CLSTN1: variants seen among roughly 807,000 people sequenced by gnomAD.
CLSTN1 encodes calsyntenin 1, also known as calsyntenin-1.
A neutral mutation model predicts 108.3 loss-of-function variants in CLSTN1; 28 were observed. The observed-to-expected ratio is 0.26, with a 90% CI of 0.19 to 0.35. The LOEUF (loss-of-function observed/expected upper bound fraction) is 0.35, where lower values mean the gene tolerates loss of function less well. Among genes scored for constraint, CLSTN1 ranks in the 10% least tolerant of loss-of-function variants. The pLI, the probability that CLSTN1 is intolerant of heterozygous loss-of-function variation, is 1.00. For synonymous variants in CLSTN1, 524 were observed against 534.9 expected, an observed-to-expected ratio of 0.98 and a Z score of 0.28; for missense variants, 1,157 against 1,302.6, an observed-to-expected ratio of 0.89 and a Z score of 1.72.
chr1:9,801,836 G>A (rs1654285094), intron 1 of CLSTN1, among the ~76,000 whole-genome samples: 2 of 152,022 alleles, frequency 1.3e-5, no homozygotes, highest in South Asian at 2.1e-4. Context: ...GATTACAGGC[G>A]TGAGCCACCA....
intron 1 of CLSTN1, among the ~76,000 whole-genome samples, chr1:9,800,473 A>G (rs1654210617): frequency 6.6e-6 from 1 of 150,982 alleles, no homozygotes; most frequent in Non-Finnish European, 1.5e-5. Context: ...TAATCCCAGA[A>G]CTTTGGGAGG....
In CLSTN1 at chr1:9,767,034, C is replaced by T. The variant is rs149580607; in HGVS notation, c.214+6238G>A. 2.4e-3 allele frequency among the ~76,000 whole-genome samples: 371 copies of T among 152,354 alleles called. 5 individuals are homozygous for T. Among genetic ancestry groups the T allele is most frequent in the African/African-American group, 8.5e-3 (353 of 41,588 alleles). On this transcript the variant is annotated intron_variant, in intron 2 of 18. Transcript: ENST00000377298. Reference sequence around the variant, plus strand: ...TCACACAGTGAGCTGGGCCCAGAGGCGGCTCTGTCACTTATGAGCTGTGTG... The same window carrying T: ...TCACACAGTGAGCTGGGCCCAGAGGTGGCTCTGTCACTTATGAGCTGTGTG...
chr1:9,771,387 G>A (rs962918698), intron 2 of CLSTN1, among the ~76,000 whole-genome samples: 6 of 152,018 alleles, frequency 3.9e-5, no homozygotes, highest in African/African-American at 7.2e-5. Context: ...AGGCCAAGGC[G>A]GGTGGATCAC....
At chr1:9,779,198 G>A (rs1200756995) in intron 1 of CLSTN1, among the ~76,000 whole-genome samples, 1 of 152,160 alleles carries the variant, frequency 6.6e-6, no homozygotes, top group East Asian at 1.9e-4. Flanking sequence ...GGCTCTCTGA[G>A]AGAATAACTT....
At position 9,729,095 on chromosome 1, in the gene CLSTN1, A is replaced by C. The variant is rs1650164045; in HGVS notation, c.*1413T>G. ...CTATCATGAGTATACACATCTGCGAAGGGAAACCGCGCGGCGACAGCGTGA... is the reference window on the plus strand; with the variant it reads ...CTATCATGAGTATACACATCTGCGACGGGAAACCGCGCGGCGACAGCGTGA... On this transcript the variant is annotated 3_prime_UTR_variant, in exon 19 of 19. Transcript: ENST00000377298. The C allele has an allele frequency of 6.6e-6, 1 of 152,186 alleles. No homozygotes were observed. Among genetic ancestry groups the C allele is most frequent in the Non-Finnish European group, 1.5e-5 (1 of 68,046 alleles). The allele number at this position is 152,186 out of a possible 1,614,324, so 9.4% of individuals were successfully genotyped here.
At chr1:9,776,222 C>T (rs1317841668) in intron 1 of CLSTN1, among the ~76,000 whole-genome samples, 1 of 151,948 alleles carries the variant, frequency 6.6e-6, no homozygotes, top group Admixed American at 6.6e-5. Flanking sequence ...CCCACCTCGC[C>T]TCCCAAAGTG....
At chr1:9,735,666 G>C in intron 12 of CLSTN1, 51 bp from the exon 13 acceptor site, 1 of 1,608,602 alleles carries the variant, frequency 6.2e-7, no homozygotes, top group East Asian at 2.2e-5. Context: ...GTAACCGCAG[G>C]AGCTGAAACC....
At chr1:9,737,584 AAAGGACTGAG>A in intron 10 of CLSTN1, 30 bp from the exon 11 acceptor site, 5 of 1,607,190 alleles carry the variant, frequency 3.1e-6, no homozygotes, top group Non-Finnish European at 3.4e-6. Flanking sequence ...AGACAATAGA[AAAGGACTGAG>A]AGGTTAGGGT....
Position 9,733,944 on chromosome 1 carries a change from A to C in CLSTN1, c.2281+28T>G, listed in dbSNP as rs762902398. The C allele has an allele frequency of 4.7e-5, 75 of 1,588,426 alleles. No individual in the cohort carries two copies. The Admixed American group carries it at 1.2e-3, about 25-fold the overall frequency. On this transcript the variant is annotated intron_variant, in intron 15 of 18. Transcript: ENST00000377298. ...AAAGTCCCCTCTTGCAGCCTGGCCCACCTGCGTGGCTGCAGCGCTCCCCTT... is the reference window on the plus strand; with the variant it reads ...AAAGTCCCCTCTTGCAGCCTGGCCCCCCTGCGTGGCTGCAGCGCTCCCCTT...
rs771834572 is a variant in CLSTN1, at chr1:9,744,557, C to T, written c.1072G>A (p.Asp358Asn). The T allele has an allele frequency of 4.1e-5, 66 of 1,613,654 alleles. No individual in the cohort carries two copies. The highest frequency in any genetic ancestry group is 5.3e-5 in the African/African-American group (4 of 74,960). The change falls in exon 8 of 19, where the codon GAC becomes AAC. Residue 358 changes from aspartate to asparagine, a missense_variant. By Grantham distance (23) the Asp-to-Asn change is conservative (BLOSUM62 1). Coordinates refer to ENST00000377298, the MANE Select transcript of CLSTN1 (RefSeq NM_001009566.3). ...TTGAACTCAAACACCTGGTCGCTGTCGTGGCCATTGTCGGTGGGCAGGCCC... is the reference window on the plus strand; with the variant it reads ...TTGAACTCAAACACCTGGTCGCTGTTGTGGCCATTGTCGGTGGGCAGGCCC... The part of the protein sequence containing the change: ...TMGLPTDNGH[D>N]SDQVFEFNGT...
At chr1:9,815,667 T>C (rs1478131691) in intron 1 of CLSTN1, among the ~76,000 whole-genome samples, 4 of 152,148 alleles carry the variant, frequency 2.6e-5, no homozygotes, top group African/African-American at 7.2e-5. Context: ...CCGGGCATAG[T>C]GCTCACGCCT....
intron 13 of CLSTN1, 93 bp from the exon 14 acceptor site, chr1:9,735,267 C>T: frequency 7.0e-7 from 1 of 1,424,226 alleles, no homozygotes; most frequent in South Asian, 1.2e-5. Context: ...TACAGAGGCC[C>T]CCACTAACAC....
intron 1 of CLSTN1, among the ~76,000 whole-genome samples, chr1:9,775,674 A>G (rs1237277615): frequency 6.6e-6 from 1 of 152,132 alleles, no homozygotes; most frequent in East Asian, 1.9e-4. Context: ...CAGACTATGA[A>G]TGAACCAGGG....
intron 1 of CLSTN1, among the ~76,000 whole-genome samples, chr1:9,821,382 C>T (rs895198232): frequency 6.6e-6 from 1 of 152,212 alleles, no homozygotes; most frequent in African/African-American, 2.4e-5. Flanking sequence ...ATCCGCTGGC[C>T]TCGGCCTCCC....
intron 7 of CLSTN1, among the ~76,000 whole-genome samples, chr1:9,744,878 C>T (rs1190038138): frequency 3.3e-5 from 5 of 152,014 alleles, no homozygotes; most frequent in African/African-American, 1.2e-4. Flanking sequence ...CTCAGCCTCC[C>T]GAGTAGCTGG....
At chr1:9,781,149 A>T (rs1653223405) in intron 1 of CLSTN1, 1 of 772,918 alleles carries the variant, frequency 1.3e-6, no homozygotes, top group East Asian at 2.5e-5. Context: ...CTTTGTGAAC[A>T]AGAAATTAAC....
intron 2 of CLSTN1, among the ~76,000 whole-genome samples, chr1:9,760,630 C>T (rs942499835): frequency 2.0e-5 from 3 of 151,754 alleles, no homozygotes; most frequent in African/African-American, 7.3e-5. Flanking sequence ...AGCGATTCTC[C>T]CACCTCAGCC....
intron 9 of CLSTN1, 37 bp from the exon 10 acceptor site, chr1:9,741,293 T>C: frequency 6.4e-7 from 1 of 1,572,576 alleles, no homozygotes; most frequent in South Asian, 1.1e-5. Context: ...GTGTGAGATG[T>C]CCACTTTCCT....
chr1:9,773,202 A>G, intron 2 of CLSTN1, 70 bp downstream of exon 2: 1 of 1,600,284 alleles, frequency 6.2e-7, no homozygotes, highest in South Asian at 1.1e-5. Flanking sequence ...AGCATTACCC[A>G]AATGGGATGT....
Sources: allele counts gnomAD v4.1 joint callset (sites outside exome capture counted in the v4.1 genomes callset), GRCh38; gene constraint gnomAD v4.1.1; transcripts MANE v1.5; gene names NCBI Gene and HGNC (gene_info 2026-07-23, HGNC 2026-07-21).